ITGA8: variants seen among roughly 807,000 people sequenced by gnomAD.
ITGA8 encodes integrin subunit alpha 8.
ITGA8 carries 91 observed loss-of-function variants against 142.3 expected under a neutral mutation model. The observed-to-expected ratio is 0.64, with a 90% CI of 0.54 to 0.76. ITGA8 has a LOEUF of 0.76. Ranked by LOEUF, ITGA8 falls within the 30% of genes least tolerant of loss-of-function variation. The pLI is 0.00. For missense variants in ITGA8, 1,406 were observed against 1,327.7 expected (o/e 1.06, Z -0.92); for synonymous variants, 505 against 485.2 (o/e 1.04, Z -0.54).
intron 3 of ITGA8, among the ~76,000 whole-genome samples, chr10:15,684,462 G>T (rs549754903): frequency 2.6e-5 from 4 of 152,162 alleles, no homozygotes; most frequent in African/African-American, 9.6e-5. Context: ...AACCTCCTGG[G>T]CTCAAGTGAT....
At chr10:15,589,947 G>A (rs745646867) in intron 22 of ITGA8, among the ~76,000 whole-genome samples, 35 of 152,130 alleles carry the variant, frequency 2.3e-4, no homozygotes, top group Non-Finnish European at 4.6e-4. Context: ...ACTTTTAGTA[G>A]AGAAAAGGTT....
At chr10:15,550,555 C>A (rs188885696) in intron 26 of ITGA8, among the ~76,000 whole-genome samples, 2 of 152,122 alleles carry the variant, frequency 1.3e-5, no homozygotes, top group Admixed American at 1.3e-4. Flanking sequence ...TGGAATGAGC[C>A]ATGAAGGTAT....
chr10:15,658,576 G>A (rs769661084), intron 10 of ITGA8, among the ~76,000 whole-genome samples: 3 of 152,082 alleles, frequency 2.0e-5, no homozygotes, highest in Non-Finnish European at 4.4e-5. Context: ...TGCCTGGAAG[G>A]TTCTGGATAA....
chr10:15,573,626 C>T (rs537482330), intron 24 of ITGA8, among the ~76,000 whole-genome samples: 2 of 152,172 alleles, frequency 1.3e-5, no homozygotes, highest in African/African-American at 4.8e-5. Flanking sequence ...GTAAACAGTT[C>T]ATCACTTTTG....
rs899114547 is a variant in ITGA8 at position 15,595,111 on chromosome 10, A to C, written c.2211+2096T>G. On this transcript the variant is annotated intron_variant, in intron 21 of 29. Transcript: ENST00000378076. ...TGGCATGTAAACATCTTATATTACT[A>C]TAGCTACTCTATGGAAATGACTTTA... is the stretch of plus-strand genomic sequence containing the variant. 2.0e-5 allele frequency among the ~76,000 whole-genome samples: 3 copies of C among 152,322 alleles called. No individual in the cohort carries two copies. The South Asian group carries it at 6.2e-4, about 32-fold the overall frequency.
intron 20 of ITGA8, among the ~76,000 whole-genome samples, chr10:15,603,760 G>C (rs184494845): frequency 4.1e-4 from 63 of 152,238 alleles, no homozygotes; most frequent in South Asian, 1.5e-3. Flanking sequence ...TTCCTGTGTC[G>C]GTCCAGGCTT....
chr10:15,658,688 C>T (rs1834231279), intron 10 of ITGA8, among the ~76,000 whole-genome samples: 1 of 152,190 alleles, frequency 6.6e-6, no homozygotes, highest in African/African-American at 2.4e-5. Flanking sequence ...TTGCCACTTC[C>T]CTCCTGTCTT....
intron 13 of ITGA8, among the ~76,000 whole-genome samples, chr10:15,623,896 C>A (rs1003158963): frequency 1.3e-5 from 2 of 152,114 alleles, no homozygotes; most frequent in African/African-American, 4.8e-5. Flanking sequence ...CCCCTGGACT[C>A]CACTAATCTA....
At chr10:15,553,302 G>GTTTTTTTT (rs5783451) in intron 26 of ITGA8, among the ~76,000 whole-genome samples, 2 of 131,140 alleles carry the variant, frequency 1.5e-5, no homozygotes, top group Non-Finnish European at 3.3e-5. Flanking sequence ...AGTTGCCATA[G>GTTTTTTTT]TTTTTTTTTT....
chr10:15,569,673 C>T (rs1037503795), intron 25 of ITGA8, among the ~76,000 whole-genome samples: 56 of 152,198 alleles, frequency 3.7e-4, no homozygotes, highest in African/African-American at 1.2e-3. Context: ...CCCACCTCAG[C>T]CTTCCGAGTA....
chr10:15,698,068 C>T (rs1315235847), intron 2 of ITGA8, among the ~76,000 whole-genome samples: 1 of 152,176 alleles, frequency 6.6e-6, no homozygotes, highest in Non-Finnish European at 1.5e-5. Flanking sequence ...CTTTCCCACC[C>T]TTTCTCCCAG....
chr10:15,520,745 T>C (rs1395868918), intron 28 of ITGA8, among the ~76,000 whole-genome samples: 1 of 152,262 alleles, frequency 6.6e-6, no homozygotes, highest in Non-Finnish European at 1.5e-5. Context: ...ATTCCGGTTT[T>C]ATCAGAGTGG....
In ITGA8 at chr10:15,526,302, G is replaced by A. The variant is rs147277029; in HGVS notation, c.2982+4748C>T. Reference sequence around the variant, plus strand: ...AGAGATTCTCTTGCCTCAGCCTCCCGAGTAGCTGGGATTACAGGCATGCGC... The same window carrying A: ...AGAGATTCTCTTGCCTCAGCCTCCCAAGTAGCTGGGATTACAGGCATGCGC... On this transcript the variant is annotated intron_variant, in intron 28 of 29. Transcript: ENST00000378076. Among the ~76,000 whole-genome samples the A allele has an allele frequency of 9.9e-5, 15 of 151,882 alleles. No individual in the cohort carries two copies. In the South Asian group the frequency reaches 2.5e-3, roughly 25 times the overall value.
chr10:15,687,005 A>G (rs2131706987), intron 3 of ITGA8, among the ~76,000 whole-genome samples: 1 of 152,318 alleles, frequency 6.6e-6, no homozygotes, highest in Non-Finnish European at 1.5e-5. Context: ...TAAGGCATAT[A>G]CCACCTTAAA....
chr10:15,646,089 C>T (rs1028459144), intron 12 of ITGA8, among the ~76,000 whole-genome samples: 1 of 152,198 alleles, frequency 6.6e-6, no homozygotes, highest in Non-Finnish European at 1.5e-5. Context: ...CTTTAAGTCA[C>T]CAAATCCAAA....
intron 4 of ITGA8, among the ~76,000 whole-genome samples, chr10:15,682,098 C>G (rs111995104): frequency 3.3e-5 from 5 of 152,156 alleles, no homozygotes; most frequent in African/African-American, 7.2e-5. Context: ...AGAAGAATCC[C>G]TTTCTATCGT....
At position 15,612,915 on chromosome 10, in the gene ITGA8, C is replaced by T. The variant is rs138098399; in HGVS notation, c.1553+745G>A. Among the ~76,000 whole-genome samples the T allele has an allele frequency of 3.9e-3, 592 of 152,338 alleles. 5 individuals are homozygous for T. Among genetic ancestry groups the T allele is most frequent in the African/African-American group, 0.013 (554 of 41,580 alleles). Reference sequence around the variant, plus strand: ...GTGGCCCACGCCTGTAATCCCAGGACTTTGGGAGGCCAAGGCAGGTGGATC... The same window carrying T: ...GTGGCCCACGCCTGTAATCCCAGGATTTTGGGAGGCCAAGGCAGGTGGATC... On this transcript the variant is annotated intron_variant, in intron 15 of 29. Transcript: ENST00000378076.
intron 2 of ITGA8, among the ~76,000 whole-genome samples, chr10:15,718,524 C>T (rs1456993809): frequency 6.6e-6 from 1 of 152,166 alleles, no homozygotes; most frequent in African/African-American, 2.4e-5. Context: ...CAGGAGTTGC[C>T]AGGATGCATC....
chr10:15,700,466 C>T (rs776656109), intron 2 of ITGA8, among the ~76,000 whole-genome samples: 16 of 152,208 alleles, frequency 1.1e-4, no homozygotes, highest in Non-Finnish European at 1.8e-4. Context: ...TGGCTGCCTT[C>T]TTCTCATTAC....
Sources: allele counts gnomAD v4.1 joint callset (sites outside exome capture counted in the v4.1 genomes callset), GRCh38; gene constraint gnomAD v4.1.1; transcripts MANE v1.5; gene names NCBI Gene and HGNC (gene_info 2026-07-23, HGNC 2026-07-21).